The following NAALADL2 variants were observed in gnomAD, a reference collection of about 807,000 sequenced individuals.
NAALADL2 encodes the protein N-acetylated alpha-linked acidic dipeptidase like 2.
In NAALADL2, 76 loss-of-function variants were observed where a neutral mutation model predicts 87.2. That is an observed-to-expected ratio of 0.87 (90% CI 0.72 to 1.05). The LOEUF (loss-of-function observed/expected upper bound fraction) is 1.05. NAALADL2 is among the 50% of genes least tolerant of loss of function. The pLI is 0.00. For synonymous variants in NAALADL2, 354 were observed against 331.0 expected, an observed-to-expected ratio of 1.07 and a Z score of -0.75; for missense variants, 1,089 against 945.8, an observed-to-expected ratio of 1.15 and a Z score of -1.99.
At chr3:174,924,105 A>G (rs1052489698) in intron 1 of NAALADL2, among the ~76,000 whole-genome samples, 4 of 152,090 alleles carry the variant, frequency 2.6e-5, no homozygotes, top group African/African-American at 9.7e-5. Flanking sequence ...GTACATGTAC[A>G]CAACATGCAA....
At chr3:175,300,138 G>T (rs1344894158) in intron 4 of NAALADL2, among the ~76,000 whole-genome samples, 3 of 152,148 alleles carry the variant, frequency 2.0e-5, no homozygotes. Context: ...GTATGAAGCT[G>T]ACTTGATCGT....
chr3:175,523,838 A>G (rs1242009002), intron 9 of NAALADL2, among the ~76,000 whole-genome samples: 1 of 152,242 alleles, frequency 6.6e-6, no homozygotes, highest in African/African-American at 2.4e-5. Flanking sequence ...TAATTGAAAA[A>G]GTTTGCTTTA....
intron 1 of NAALADL2, among the ~76,000 whole-genome samples, chr3:174,903,362 A>C (rs1732536174): frequency 6.6e-6 from 1 of 152,064 alleles, no homozygotes; most frequent in African/African-American, 2.4e-5. Flanking sequence ...TACCTCACTT[A>C]ACATTTTAGA....
chr3:174,828,588 G>C (rs16864898), intron 3 of NAALADL2, among the ~76,000 whole-genome samples: 3 of 151,996 alleles, frequency 2.0e-5, no homozygotes, highest in Non-Finnish European at 4.4e-5. Context: ...ACAAAAACAC[G>C]AGTAAGCCAA....
At chr3:175,546,041 A>C (rs1180701736) in intron 9 of NAALADL2, among the ~76,000 whole-genome samples, 1 of 152,174 alleles carries the variant, frequency 6.6e-6, no homozygotes, top group Non-Finnish European at 1.5e-5. Flanking sequence ...AATACACCTT[A>C]AAGAAATATC....
intron 3 of NAALADL2, among the ~76,000 whole-genome samples, chr3:174,770,257 C>A (rs1578857505): frequency 6.6e-6 from 1 of 152,050 alleles, no homozygotes; most frequent in Non-Finnish European, 1.5e-5. Context: ...ACTCATGGTG[C>A]CTGTCAATTT....
rs191275771 is a variant in NAALADL2, at chr3:174,512,332, C to T, written c.-183-38237C>T. ...TGGCTGTAATTCTCATCTTTGTTCT[C>T]TTGTAGATGATATGTCTTTTTTTCT... On this transcript the variant is annotated intron_variant, in intron 1 of 3. Transcript: ENST00000434257. Among the ~76,000 whole-genome samples, 164 of 152,158 alleles carry T rather than the reference C, an allele frequency of 1.1e-3. 3 individuals are homozygous for T. In the East Asian group the frequency reaches 0.013, roughly 12 times the overall value.
At chr3:174,700,478 C>T (rs1729450913) in intron 2 of NAALADL2, among the ~76,000 whole-genome samples, 1 of 152,066 alleles carries the variant, frequency 6.6e-6, no homozygotes, top group Non-Finnish European at 1.5e-5. Flanking sequence ...TAACGCTCTC[C>T]ATGGAACAGC....
intron 2 of NAALADL2, among the ~76,000 whole-genome samples, chr3:175,164,300 T>C (rs925706942): frequency 6.6e-6 from 1 of 151,848 alleles, no homozygotes; most frequent in Non-Finnish European, 1.5e-5. Flanking sequence ...TGGCACATAA[T>C]AAATGCATAA....
At chr3:175,447,462 A>G (rs570051818) in intron 6 of NAALADL2, 90 bp downstream of exon 6, 117 of 824,870 alleles carry the variant, frequency 1.4e-4, no homozygotes, top group Admixed American at 6.2e-4. Flanking sequence ...ATGTAGGATT[A>G]TTCTTTTCAA....
At chr3:175,150,770 A>G (rs988585785) in intron 2 of NAALADL2, among the ~76,000 whole-genome samples, 6 of 152,192 alleles carry the variant, frequency 3.9e-5, no homozygotes, top group Non-Finnish European at 8.8e-5. Flanking sequence ...TGATTTATAC[A>G]TTCTTTGTTT....
intron 11 of NAALADL2, among the ~76,000 whole-genome samples, chr3:175,681,176 C>T (rs1735544428): frequency 6.6e-6 from 1 of 152,102 alleles, no homozygotes; most frequent in Non-Finnish European, 1.5e-5. Flanking sequence ...TTTTCATTCT[C>T]TATTTGTATC....
chr3:175,489,873 C>T (rs1727802784), intron 9 of NAALADL2, among the ~76,000 whole-genome samples: 1 of 152,136 alleles, frequency 6.6e-6, no homozygotes, highest in African/African-American at 2.4e-5. Context: ...AAGTAATAGT[C>T]TCTACATTAG....
chr3:174,569,421 T>C (rs1714664046), intron 2 of NAALADL2, among the ~76,000 whole-genome samples: 1 of 152,092 alleles, frequency 6.6e-6, no homozygotes. Context: ...CAATGAATTT[T>C]GACAAATATG....
At chr3:174,703,392 A>G (rs1729746622) in intron 2 of NAALADL2, among the ~76,000 whole-genome samples, 1 of 151,234 alleles carries the variant, frequency 6.6e-6, no homozygotes, top group Non-Finnish European at 1.5e-5. Flanking sequence ...AAGAGATATG[A>G]TTAGTGAGGT....
At chr3:175,801,025 C>T (rs918340314) in intron 13 of NAALADL2, among the ~76,000 whole-genome samples, 6 of 152,076 alleles carry the variant, frequency 3.9e-5, no homozygotes, top group African/African-American at 1.4e-4. Context: ...AAAGTGCTGG[C>T]AAGGCTGAGA....
chr3:175,068,980 T>G (rs1452154933), intron 1 of NAALADL2, among the ~76,000 whole-genome samples: 2 of 151,888 alleles, frequency 1.3e-5, no homozygotes, highest in Non-Finnish European at 2.9e-5. Flanking sequence ...AGGAGAGAGT[T>G]CCAAAAACTG....
intron 2 of NAALADL2, among the ~76,000 whole-genome samples, chr3:174,582,151 T>C (rs188948051): frequency 1.3e-5 from 2 of 152,172 alleles, no homozygotes; most frequent in African/African-American, 4.8e-5. Context: ...AAGATTATCC[T>C]TTGGACTTAG....
At chr3:174,846,372 T>C (rs183998801) in intron 3 of NAALADL2, among the ~76,000 whole-genome samples, 1 of 152,198 alleles carries the variant, frequency 6.6e-6, no homozygotes, top group African/African-American at 2.4e-5. Flanking sequence ...TTTTGTTTCC[T>C]TTTTGTCAGG....
Sources: gnomAD v4.1 joint callset for allele counts (sites outside exome capture counted in the v4.1 genomes callset) on GRCh38, gnomAD v4.1.1 for gene constraint, MANE v1.5 for transcripts, NCBI Gene and HGNC (gene_info 2026-07-23, HGNC 2026-07-21) for gene names.